The following SYNE1 variants were observed in gnomAD, a reference collection of about 807,000 sequenced individuals.
The protein encoded by SYNE1 is spectrin repeat containing nuclear envelope protein 1, also known as nesprin-1.
In SYNE1, 616 loss-of-function variants were observed where a neutral mutation model predicts 1,111.0. The ratio of observed to expected loss-of-function variants is 0.55; its 90% confidence interval spans 0.52 to 0.59. The LOEUF is 0.59. SYNE1 is among the 20% of genes least tolerant of loss of function. The pLI, the probability that SYNE1 is intolerant of heterozygous loss-of-function variation, is 0.00. For synonymous variants in SYNE1, 3,855 were observed against 3,825.8 expected (o/e 1.01, Z -0.28); for missense variants, 10,006 against 10,417.0 (o/e 0.96, Z 1.72).
chr6:152,316,316 C>T (rs571875004), intron 87 of SYNE1: 8 of 165,058 alleles, frequency 4.8e-5, no homozygotes, highest in Admixed American at 1.2e-4. Flanking sequence ...GCCAGGCAGA[C>T]GTTTGCACGT....
intron 98 of SYNE1, among the ~76,000 whole-genome samples, chr6:152,275,283 A>T (rs2069795102): frequency 6.9e-6 from 1 of 145,018 alleles, no homozygotes; most frequent in Non-Finnish European, 1.5e-5. Context: ...TCCTAAGATT[A>T]AAAAAAAAAA....
At position 152,236,012 on chromosome 6, in the gene SYNE1, G is replaced by A. The variant is rs996188155; in HGVS notation, c.20396+95C>T. On this transcript the variant is annotated intron_variant, in intron 110 of 145. Transcript: ENST00000367255. ...CCCGTATTGGCCACCCAAGTAATGA[G>A]ATTATAGGTTTGAGCCATCATCCCC... 2.2e-6 allele frequency: 3 copies of A among 1,374,834 alleles called. No individual in the cohort carries two copies. The African/African-American group carries it at 4.3e-5, about 20-fold the overall frequency. 85.2% of individuals were successfully genotyped at this position (1,374,834 alleles called of 1,614,324 possible).
intron 103 of SYNE1, 50 bp downstream of exon 103, chr6:152,255,541 C>T: frequency 1.9e-6 from 3 of 1,599,340 alleles, no homozygotes; most frequent in East Asian, 2.2e-5. Flanking sequence ...ATCAAAATGT[C>T]AAGTGCTTTG....
intron 51 of SYNE1, 65 bp downstream of exon 51, chr6:152,395,451 C>G: frequency 1.3e-6 from 2 of 1,557,146 alleles, no homozygotes; most frequent in Admixed American, 3.7e-5. Context: ...ACCAAACCAA[C>G]CAACCAACCA....
At chr6:152,208,443 A>G (rs1463365402) in intron 124 of SYNE1, among the ~76,000 whole-genome samples, 1 of 152,190 alleles carries the variant, frequency 6.6e-6, no homozygotes, top group East Asian at 1.9e-4. Context: ...CATAGGTTGA[A>G]GGCAAATATA....
chr6:152,418,491 G>T (rs1025890307), intron 40 of SYNE1, among the ~76,000 whole-genome samples: 1 of 152,182 alleles, frequency 6.6e-6, no homozygotes, highest in Non-Finnish European at 1.5e-5. Flanking sequence ...GTTAAATGTT[G>T]CTATATGCGT....
intron 38 of SYNE1, among the ~76,000 whole-genome samples, chr6:152,426,109 G>A (rs898225514): frequency 2.0e-5 from 3 of 152,122 alleles, no homozygotes; most frequent in Middle Eastern, 3.2e-3. Context: ...ATCAGTCAAC[G>A]AATCTCTTAA....
In SYNE1 at chr6:152,367,219, T is replaced by C. The variant is rs1207336955; in HGVS notation, c.9971A>G (p.Glu3324Gly). 1.9e-6 allele frequency: 3 copies of C among 1,614,064 alleles called. No individual in the cohort carries two copies. In the African/African-American group the frequency reaches 4.0e-5, roughly 22 times the overall value. Residue 3324 changes from glutamate to glycine, a missense_variant and splice_region_variant, in exon 62 of 146, where the codon GAG (glutamate) becomes GGG (glycine). Glu to Gly is a moderately conservative substitution (Grantham distance 98). Transcript: ENST00000367255. ...SVLDSRTLKL[E>G]ALLSVKQEKE... Reference sequence around the variant, plus strand: ...ATATTTCTGTGTAAAGATGCACACCTCGAGCTTGAGCGTCCTGCTGTCCAG... The same window carrying C: ...ATATTTCTGTGTAAAGATGCACACCCCGAGCTTGAGCGTCCTGCTGTCCAG...
chr6:152,303,402 C>A (rs375878571), intron 91 of SYNE1, among the ~76,000 whole-genome samples: 193 of 120,144 alleles, frequency 1.6e-3, no homozygotes, highest in South Asian at 2.3e-3. Context: ...GACTCTGTCT[C>A]AAAAAAAAAA....
intron 82 of SYNE1, among the ~76,000 whole-genome samples, chr6:152,322,777 A>G (rs944233590): frequency 9.9e-5 from 15 of 152,106 alleles, no homozygotes; most frequent in African/African-American, 2.7e-4. Flanking sequence ...GCAAAACTCA[A>G]TGCCTAGCTC....
intron 6 of SYNE1, 89 bp from the exon 7 acceptor site, chr6:152,511,192 A>G: frequency 8.5e-7 from 1 of 1,178,172 alleles, no homozygotes; most frequent in Non-Finnish European, 1.3e-6. Flanking sequence ...AGTAGACATC[A>G]ATAAGATTTG....
chr6:152,557,599 C>T (rs547143750), intron 3 of SYNE1, among the ~76,000 whole-genome samples: 112 of 152,104 alleles, frequency 7.4e-4, no homozygotes, highest in African/African-American at 2.5e-3. Flanking sequence ...AGGGAAACTC[C>T]GTAAGATTAC....
At chr6:152,465,717 T>C (rs1463529302) in intron 17 of SYNE1, among the ~76,000 whole-genome samples, 1 of 151,720 alleles carries the variant, frequency 6.6e-6, no homozygotes, top group Admixed American at 6.6e-5. Context: ...AATCCTTAGA[T>C]GCAATTTAGA....
At chr6:152,373,280 C>CT in intron 58 of SYNE1, 61 bp from the exon 59 acceptor site, 1 of 1,469,206 alleles carries the variant, frequency 6.8e-7, no homozygotes, top group South Asian at 1.3e-5. Flanking sequence ...TCTATTTTTT[C>CT]TTTTCTTTTT....
intron 131 of SYNE1, among the ~76,000 whole-genome samples, chr6:152,160,813 C>T (rs2062326329): frequency 6.6e-6 from 1 of 152,080 alleles, no homozygotes; most frequent in Non-Finnish European, 1.5e-5. Flanking sequence ...ATCCTGGAAA[C>T]CTTTAGGATC....
chr6:152,124,249 T>C (rs1585375752), intron 145 of SYNE1, among the ~76,000 whole-genome samples: 1 of 152,104 alleles, frequency 6.6e-6, no homozygotes, highest in South Asian at 2.1e-4. Context: ...GAGGCTGCAG[T>C]GAGCCATGAT....
chr6:152,575,963 C>T (rs1282567166), intron 3 of SYNE1, among the ~76,000 whole-genome samples: 1 of 152,198 alleles, frequency 6.6e-6, no homozygotes, highest in Non-Finnish European at 1.5e-5. Flanking sequence ...TAGTAATGTT[C>T]TGGGAAACGG....
chr6:152,390,156 A>G (rs2154131948), intron 53 of SYNE1, 124 bp downstream of exon 53: 1 of 991,616 alleles, frequency 1.0e-6, no homozygotes, highest in African/African-American at 1.6e-5. Context: ...AGACAAAGAC[A>G]GGCATGCCTA....
intron 14 of SYNE1, chr6:152,480,666 C>A (rs1038624608): frequency 5.1e-5 from 22 of 429,038 alleles, no homozygotes; most frequent in Non-Finnish European, 6.4e-5. Context: ...CATGCCCAGG[C>A]CTAGTAGAAG....
Sources: gnomAD v4.1 joint callset for allele counts (sites outside exome capture counted in the v4.1 genomes callset) on GRCh38, gnomAD v4.1.1 for gene constraint, MANE v1.5 for transcripts, NCBI Gene and HGNC (gene_info 2026-07-23, HGNC 2026-07-21) for gene names.